NAALADL2: variants seen among roughly 807,000 people sequenced by gnomAD.
The protein encoded by NAALADL2 is N-acetylated alpha-linked acidic dipeptidase like 2.
NAALADL2 carries 76 observed loss-of-function variants against 87.2 expected under a neutral mutation model. That is an observed-to-expected ratio of 0.87 (90% CI 0.72 to 1.05). The LOEUF (loss-of-function observed/expected upper bound fraction) is 1.05, where lower values mean the gene tolerates loss of function less well. Among genes scored for constraint, NAALADL2 ranks in the 50% least tolerant of loss-of-function variants. The probability of loss-of-function intolerance (pLI) is 0.00; values close to 1 mark genes in which losing one functional copy is unlikely to be tolerated. For synonymous variants in NAALADL2, 354 were observed against 331.0 expected (o/e 1.07, Z -0.75); for missense variants, 1,089 against 945.8 (o/e 1.15, Z -1.99).
intron 9 of NAALADL2, among the ~76,000 whole-genome samples, chr3:175,479,466 A>AAC (rs1726155037): frequency 6.6e-6 from 1 of 150,960 alleles, no homozygotes; most frequent in East Asian, 1.9e-4. Flanking sequence ...TTTTCCTTCA[A>AAC]TCATCTTGTG....
chr3:175,277,483 G>A (rs891881103), intron 4 of NAALADL2, among the ~76,000 whole-genome samples: 6 of 152,142 alleles, frequency 3.9e-5, no homozygotes, highest in Admixed American at 2.0e-4. Context: ...GAAGGACTGT[G>A]ACCAATCTAT....
At chr3:174,922,413 T>C (rs1327129943) in intron 1 of NAALADL2, among the ~76,000 whole-genome samples, 1 of 152,104 alleles carries the variant, frequency 6.6e-6, no homozygotes, top group Non-Finnish European at 1.5e-5. Flanking sequence ...ACAAGTTTCA[T>C]ATATCACTCA....
intron 1 of NAALADL2, among the ~76,000 whole-genome samples, chr3:174,964,156 A>C (rs1415608981): frequency 1.3e-5 from 2 of 152,158 alleles, no homozygotes; most frequent in African/African-American, 2.4e-5. Context: ...ATTCATTTAC[A>C]AAAATTTCTA....
intron 1 of NAALADL2, among the ~76,000 whole-genome samples, chr3:175,087,769 G>A (rs1467838781): frequency 1.3e-5 from 2 of 152,070 alleles, no homozygotes; most frequent in East Asian, 3.9e-4. Flanking sequence ...CACAAACACT[G>A]CAAAAGGCCG....
intron 1 of NAALADL2, among the ~76,000 whole-genome samples, chr3:174,924,776 T>A (rs759457001): frequency 1.3e-5 from 2 of 152,208 alleles, no homozygotes; most frequent in Non-Finnish European, 1.5e-5. Flanking sequence ...AGATGGTATC[T>A]CATTGTGGTT....
At chr3:175,078,051 A>T (rs763296682) in intron 1 of NAALADL2, among the ~76,000 whole-genome samples, 1 of 149,762 alleles carries the variant, frequency 6.7e-6, no homozygotes. Flanking sequence ...TCTTGAGACA[A>T]TCTCACTCCG....
chr3:175,063,188 A>T (rs2109093130), intron 1 of NAALADL2, among the ~76,000 whole-genome samples: 1 of 152,294 alleles, frequency 6.6e-6, no homozygotes, highest in East Asian at 1.9e-4. Flanking sequence ...GTTTACCTTT[A>T]AGTGACAGCT....
chr3:175,121,210 C>T (rs1726104678), intron 2 of NAALADL2, among the ~76,000 whole-genome samples: 2 of 151,880 alleles, frequency 1.3e-5, no homozygotes. Context: ...AACGGCCATA[C>T]AGATCTATAA....
chr3:174,511,955 C>A (rs1278017874), intron 1 of NAALADL2, among the ~76,000 whole-genome samples: 1 of 151,906 alleles, frequency 6.6e-6, no homozygotes, highest in East Asian at 1.9e-4. Flanking sequence ...CTTCCTCTTG[C>A]CTGTTTTCTT....
intron 3 of NAALADL2, among the ~76,000 whole-genome samples, chr3:174,764,586 G>A (rs1713521686): frequency 6.6e-6 from 1 of 152,148 alleles, no homozygotes; most frequent in Admixed American, 6.6e-5. Context: ...CTTCAGCCTG[G>A]CTACAGAGCG....
chr3:174,604,433 T>C (rs761173915), intron 2 of NAALADL2, among the ~76,000 whole-genome samples: 1 of 152,206 alleles, frequency 6.6e-6, no homozygotes, highest in Non-Finnish European at 1.5e-5. Flanking sequence ...TCCATCCCTC[T>C]ATTTTCAGTC....
chr3:174,984,381 A>G (rs1745535096), intron 1 of NAALADL2, among the ~76,000 whole-genome samples: 1 of 151,986 alleles, frequency 6.6e-6, no homozygotes, highest in African/African-American at 2.4e-5. Context: ...TTGCTAGTCT[A>G]CCACATTTGG....
intron 3 of NAALADL2, among the ~76,000 whole-genome samples, chr3:174,752,806 A>G (rs1734969390): frequency 6.6e-6 from 1 of 152,210 alleles, no homozygotes. Context: ...TTGCAGAAGT[A>G]GGAGTCACAT....
At chr3:175,603,231 C>T (rs1723202898) in intron 10 of NAALADL2, among the ~76,000 whole-genome samples, 1 of 152,130 alleles carries the variant, frequency 6.6e-6, no homozygotes, top group Non-Finnish European at 1.5e-5. Flanking sequence ...CATTTAGTTA[C>T]ATTTTTAAAA....
At chr3:175,429,552 A>C (rs1717406207) in intron 5 of NAALADL2, among the ~76,000 whole-genome samples, 1 of 152,036 alleles carries the variant, frequency 6.6e-6, no homozygotes, top group South Asian at 2.1e-4. Context: ...ACTTTTGAGT[A>C]CAATTCATTG....
At chr3:175,743,693 GTCATAGTGAGA>G (rs1297464062) in intron 12 of NAALADL2, among the ~76,000 whole-genome samples, 1 of 152,178 alleles carries the variant, frequency 6.6e-6, no homozygotes, top group Non-Finnish European at 1.5e-5. Flanking sequence ...TAGACTTCAT[GTCATAGTGAGA>G]TCGAAGAATT....
intron 1 of NAALADL2, among the ~76,000 whole-genome samples, chr3:174,879,859 T>C (rs1211741919): frequency 6.6e-6 from 1 of 152,082 alleles, no homozygotes; most frequent in African/African-American, 2.4e-5. Flanking sequence ...ATTACCTTCA[T>C]GTTCTCAAAT....
At chr3:174,762,224 A>G (rs1050549605) in intron 3 of NAALADL2, among the ~76,000 whole-genome samples, 16 of 149,136 alleles carry the variant, frequency 1.1e-4, no homozygotes, top group African/African-American at 4.0e-4. Context: ...CAGTGGCGCC[A>G]TCTCAGCTCA....
intron 1 of NAALADL2, among the ~76,000 whole-genome samples, chr3:174,443,281 G>A (rs981527701): frequency 8.5e-5 from 13 of 152,118 alleles, no homozygotes; most frequent in African/African-American, 2.9e-4. Flanking sequence ...GCTTAGACCC[G>A]GATGATAGCA....
Sources: gnomAD v4.1 joint callset for allele counts (sites outside exome capture counted in the v4.1 genomes callset) on GRCh38, gnomAD v4.1.1 for gene constraint, MANE v1.5 for transcripts, NCBI Gene and HGNC (gene_info 2026-07-23, HGNC 2026-07-21) for gene names.